The following DPP6 variants were observed in gnomAD, a reference collection of about 807,000 sequenced individuals.
DPP6 encodes A-type potassium channel modulatory protein DPP6.
A neutral mutation model predicts 122.6 loss-of-function variants in DPP6; 69 were observed. The ratio of observed to expected loss-of-function variants is 0.56; its 90% CI spans 0.46 to 0.69. DPP6 has a LOEUF of 0.69. Ranked by LOEUF, DPP6 falls within the 30% of genes least tolerant of loss-of-function variation. The pLI, the probability that DPP6 is intolerant of heterozygous loss-of-function variation, is 0.00. For synonymous variants in DPP6, 418 were observed against 433.1 expected (o/e 0.97, Z 0.43); for missense variants, 928 against 1,116.9 (o/e 0.83, Z 2.41).
the DPP6 span, among the ~76,000 whole-genome samples, chr7:153,842,128 T>C: frequency 1.3e-5 from 2 of 152,156 alleles, no homozygotes; most frequent in East Asian, 1.9e-4. Context: ...ATCAAACATA[T>C]ATATGTAAGT....
chr7:154,361,118 T>G (rs947150929), intron 1 of DPP6, among the ~76,000 whole-genome samples: 19 of 151,870 alleles, frequency 1.3e-4, no homozygotes, highest in African/African-American at 4.4e-4. Context: ...ATGAGAAGAT[T>G]TGAGCGTTGA....
At chr7:154,253,538 C>T (rs144579761) in intron 1 of DPP6, among the ~76,000 whole-genome samples, 159 of 152,254 alleles carry the variant, frequency 1.0e-3, no homozygotes, top group Admixed American at 2.1e-3. Context: ...CTTGACTAGA[C>T]GTGATTTCAC....
intron 16 of DPP6, among the ~76,000 whole-genome samples, chr7:154,834,481 AAAAACAAAAAC>A (rs1189668554): frequency 2.5e-4 from 2 of 7,996 alleles, no homozygotes; most frequent in African/African-American, 4.8e-4. Context: ...CATCTCAAAG[AAAAACAAAAAC>A]AAAAACAAAA....
At chr7:154,224,792 G>A (rs896719537) in intron 1 of DPP6, among the ~76,000 whole-genome samples, 2 of 149,292 alleles carry the variant, frequency 1.3e-5, no homozygotes, top group African/African-American at 5.1e-5. Context: ...ATTTGATGAC[G>A]TAAGAGGGCT....
intron 22 of DPP6, among the ~76,000 whole-genome samples, chr7:154,886,747 A>C (rs1806184007): frequency 6.6e-6 from 1 of 152,088 alleles, no homozygotes; most frequent in South Asian, 2.1e-4. Context: ...CCCCATTGCC[A>C]CACCTAGCCC....
chr7:154,168,320 C>T lies in DPP6; in HGVS notation c.243+115257C>T, dbSNP rs149542552. Among the ~76,000 whole-genome samples the T allele has an allele frequency of 4.2e-3, 637 of 152,286 alleles. 5 individuals carry two copies. Among genetic ancestry groups the T allele is most frequent in the African/African-American group, 0.014 (566 of 41,546 alleles). On this transcript the variant is annotated intron_variant, in intron 1 of 25. Coordinates refer to ENST00000377770, the MANE Select transcript of DPP6 (RefSeq NM_130797.4). ...TGAGCTGTTTCATCCAAGCTGGCCG[C>T]GCAGATCCAGGGCCACAGAGACAGA...
chr7:154,689,911 T>C (rs949899574), intron 7 of DPP6, among the ~76,000 whole-genome samples: 1 of 152,210 alleles, frequency 6.6e-6, no homozygotes, highest in South Asian at 2.1e-4. Context: ...GCATTTTCTT[T>C]ATTTGACCTA....
At chr7:153,848,389 C>T in the DPP6 span, among the ~76,000 whole-genome samples, 1 of 151,690 alleles carries the variant, frequency 6.6e-6, no homozygotes, top group Non-Finnish European at 1.5e-5. Context: ...TCCTTGTTAT[C>T]TGCTCTTAGA....
At chr7:153,928,396 A>ATGTTTTTTTTTTTTTTT (rs1275067491) in intron 1 of DPP6, among the ~76,000 whole-genome samples, 1 of 43,672 alleles carries the variant, frequency 2.3e-5, no homozygotes, top group African/African-American at 7.9e-5. Flanking sequence ...CTTTTCTTTC[A>ATGTTTTTTTTTTTTTTT]TTTTTTTTTT....
At chr7:153,754,062 C>G in the DPP6 span, among the ~76,000 whole-genome samples, 1 of 152,200 alleles carries the variant, frequency 6.6e-6, no homozygotes, top group South Asian at 2.1e-4. Flanking sequence ...CTTTTGCCAG[C>G]TCTAGGTATT....
chr7:154,108,678 A>G (rs1310556493), intron 1 of DPP6, among the ~76,000 whole-genome samples: 3 of 152,244 alleles, frequency 2.0e-5, no homozygotes, highest in South Asian at 2.1e-4. Context: ...AGGAGGAAAC[A>G]GCCAGACAAA....
intron 1 of DPP6, among the ~76,000 whole-genome samples, chr7:154,346,008 T>C (rs1286233553): frequency 1.3e-5 from 2 of 152,188 alleles, no homozygotes; most frequent in Non-Finnish European, 2.9e-5. Flanking sequence ...GAGCCGATTC[T>C]TTCTGTTACG....
intron 10 of DPP6, among the ~76,000 whole-genome samples, chr7:154,778,240 C>T (rs144263198): frequency 2.0e-5 from 3 of 152,184 alleles, no homozygotes; most frequent in Non-Finnish European, 4.4e-5. Context: ...CTCCTATTTT[C>T]CTGTGAGCAC....
intron 1 of DPP6, among the ~76,000 whole-genome samples, chr7:154,313,434 G>A (rs1807080648): frequency 6.6e-6 from 1 of 151,962 alleles, no homozygotes; most frequent in South Asian, 2.1e-4. Context: ...GTTCTAGAAG[G>A]GAGGGAGGAA....
At chr7:153,870,161 G>C in the DPP6 span, among the ~76,000 whole-genome samples, 1 of 152,132 alleles carries the variant, frequency 6.6e-6, no homozygotes, top group Admixed American at 6.5e-5. Flanking sequence ...GCATCTTTGT[G>C]GTGTTCTCTG....
intron 1 of DPP6, among the ~76,000 whole-genome samples, chr7:154,286,333 C>G (rs1452616754): frequency 5.3e-5 from 8 of 152,112 alleles, no homozygotes; most frequent in Non-Finnish European, 1.0e-4. Flanking sequence ...ACTGAACTCA[C>G]GGTCTGCAAC....
chr7:154,227,401 A>G (rs545250624), intron 1 of DPP6, among the ~76,000 whole-genome samples: 10 of 152,100 alleles, frequency 6.6e-5, no homozygotes, highest in African/African-American at 2.4e-4. Flanking sequence ...GGGGGTTGGG[A>G]GAAGGGAAAG....
intron 1 of DPP6, among the ~76,000 whole-genome samples, chr7:153,976,355 C>A (rs1425659023): frequency 6.6e-6 from 1 of 152,160 alleles, no homozygotes; most frequent in Non-Finnish European, 1.5e-5. Flanking sequence ...GTGTGGAAAT[C>A]TGATCCAGCT....
At chr7:154,809,566 G>A (rs1271927059) in intron 16 of DPP6, among the ~76,000 whole-genome samples, 2 of 152,178 alleles carry the variant, frequency 1.3e-5, no homozygotes, top group South Asian at 2.1e-4. Flanking sequence ...AGAAAGCATG[G>A]TGTGTGCTCC....
Sources: allele counts gnomAD v4.1 joint callset (sites outside exome capture counted in the v4.1 genomes callset), GRCh38; gene constraint gnomAD v4.1.1; transcripts MANE v1.5; gene names NCBI Gene and HGNC (gene_info 2026-07-23, HGNC 2026-07-21).